CAMKMT: variants seen among roughly 807,000 people sequenced by gnomAD.
The protein encoded by CAMKMT is CaM KMT.
CAMKMT carries 53 observed loss-of-function variants against 48.0 expected under a neutral mutation model. That is an observed-to-expected ratio of 1.10 (90% CI 0.89 to 1.39). The LOEUF (loss-of-function observed/expected upper bound fraction) is 1.39, where lower values mean the gene tolerates loss of function less well. Among genes scored for constraint, CAMKMT ranks in the 40% most tolerant of loss-of-function variants. CAMKMT has a pLI of 0.00. For missense variants in CAMKMT, 428 were observed against 402.7 expected (o/e 1.06, Z -0.54); for synonymous variants, 165 against 152.3 (o/e 1.08, Z -0.61).
intron 3 of CAMKMT, among the ~76,000 whole-genome samples, chr2:44,681,276 C>T (rs1428900678): frequency 1.3e-5 from 2 of 152,170 alleles, no homozygotes; most frequent in Non-Finnish European, 2.9e-5. Flanking sequence ...GTTTGCATAA[C>T]AGTCACCAAT....
chr2:44,690,671 A>T (rs1331787130), intron 3 of CAMKMT, among the ~76,000 whole-genome samples: 1 of 152,194 alleles, frequency 6.6e-6, no homozygotes, highest in Admixed American at 6.5e-5. Context: ...TCAACAAGTG[A>T]TGCTGCCACT....
chr2:44,625,486 T>A (rs903170345), intron 3 of CAMKMT, among the ~76,000 whole-genome samples: 3 of 152,146 alleles, frequency 2.0e-5, no homozygotes, highest in South Asian at 2.1e-4. Context: ...TTATTAATAC[T>A]GTCTTTTTAA....
intron 3 of CAMKMT, among the ~76,000 whole-genome samples, chr2:44,675,799 C>T (rs930272555): frequency 1.3e-5 from 2 of 152,118 alleles, no homozygotes; most frequent in Non-Finnish European, 2.9e-5. Context: ...CAAACTGAAA[C>T]TCTGTCACCA....
intron 3 of CAMKMT, among the ~76,000 whole-genome samples, chr2:44,400,086 A>T (rs1682224072): frequency 6.6e-6 from 1 of 152,210 alleles, no homozygotes; most frequent in East Asian, 1.9e-4. Flanking sequence ...ATTCATTTGA[A>T]TCCCAAGTCA....
intron 3 of CAMKMT, among the ~76,000 whole-genome samples, chr2:44,521,482 T>C (rs978857503): frequency 2.6e-5 from 4 of 152,210 alleles, no homozygotes; most frequent in Admixed American, 1.3e-4. Flanking sequence ...GGTTTCACCA[T>C]GTTGGCCAGG....
chr2:44,710,172 A>C (rs1033202461), intron 6 of CAMKMT, among the ~76,000 whole-genome samples: 10 of 151,274 alleles, frequency 6.6e-5, no homozygotes, highest in African/African-American at 2.4e-4. Flanking sequence ...TTGTTTTAGT[A>C]TGTGAGGCAA....
intron 7 of CAMKMT, among the ~76,000 whole-genome samples, chr2:44,723,495 G>A (rs1292222882): frequency 6.6e-6 from 1 of 151,940 alleles, no homozygotes; most frequent in Non-Finnish European, 1.5e-5. Context: ...GGAGGCTGAG[G>A]CAGGAGAATT....
At chr2:44,768,822 G>A (rs1270189597) in intron 10 of CAMKMT, among the ~76,000 whole-genome samples, 1 of 152,178 alleles carries the variant, frequency 6.6e-6, no homozygotes, top group African/African-American at 2.4e-5. Context: ...TCGTCCCTGG[G>A]ACGCGCTGCT....
chr2:44,672,410 T>C (rs1209339600), intron 3 of CAMKMT, among the ~76,000 whole-genome samples: 1 of 152,130 alleles, frequency 6.6e-6, no homozygotes, highest in African/African-American at 2.4e-5. Flanking sequence ...AATAATTTTG[T>C]GGGTTTTTTT....
chr2:44,747,696 T>C (rs1679978862), intron 8 of CAMKMT, among the ~76,000 whole-genome samples: 1 of 152,244 alleles, frequency 6.6e-6, no homozygotes. Flanking sequence ...CTCCTTGTTC[T>C]CTGCACTAAT....
At chr2:44,704,982 T>C (rs1437588466) in intron 4 of CAMKMT, among the ~76,000 whole-genome samples, 2 of 152,000 alleles carry the variant, frequency 1.3e-5, no homozygotes, top group Non-Finnish European at 2.9e-5. Context: ...AGATGTTTGG[T>C]AGACCCAGAA....
At chr2:44,633,073 G>C (rs1461215249) in intron 3 of CAMKMT, among the ~76,000 whole-genome samples, 1 of 151,960 alleles carries the variant, frequency 6.6e-6, no homozygotes, top group Non-Finnish European at 1.5e-5. Flanking sequence ...AATTTACTTT[G>C]ATTTTTTTCT....
chr2:44,552,517 A>G (rs1429686003), intron 3 of CAMKMT, among the ~76,000 whole-genome samples: 1 of 152,192 alleles, frequency 6.6e-6, no homozygotes, highest in African/African-American at 2.4e-5. Context: ...GAGTCCTTTC[A>G]TACAAAATAC....
At chr2:44,610,112 G>A (rs998510641) in intron 3 of CAMKMT, among the ~76,000 whole-genome samples, 9 of 152,102 alleles carry the variant, frequency 5.9e-5, no homozygotes, top group Non-Finnish European at 1.2e-4. Flanking sequence ...TTAGTGAAGA[G>A]GCTACATTTC....
intron 3 of CAMKMT, among the ~76,000 whole-genome samples, chr2:44,432,245 A>G (rs915055297): frequency 6.6e-6 from 1 of 152,064 alleles, no homozygotes; most frequent in Non-Finnish European, 1.5e-5. Flanking sequence ...AAAACCAGAT[A>G]CTCCTGTACT....
intron 3 of CAMKMT, among the ~76,000 whole-genome samples, chr2:44,474,898 T>G (rs1046958473): frequency 6.6e-6 from 1 of 152,222 alleles, no homozygotes; most frequent in African/African-American, 2.4e-5. Flanking sequence ...CTTTATTCAG[T>G]GCCTGGTATG....
chr2:44,687,583 A>G (rs1337373418), intron 3 of CAMKMT, among the ~76,000 whole-genome samples: 1 of 152,246 alleles, frequency 6.6e-6, no homozygotes, highest in African/African-American at 2.4e-5. Flanking sequence ...ATTCAGCCAC[A>G]TATACTAACC....
chr2:44,412,430 G>A (rs1683271665), intron 3 of CAMKMT, among the ~76,000 whole-genome samples: 1 of 152,116 alleles, frequency 6.6e-6, no homozygotes, highest in Non-Finnish European at 1.5e-5. Flanking sequence ...CTGCCTCCCA[G>A]GTTCAAGCAA....
chr2:44,521,064 C>T (rs957703241), intron 3 of CAMKMT, among the ~76,000 whole-genome samples: 1 of 152,134 alleles, frequency 6.6e-6, no homozygotes, highest in Non-Finnish European at 1.5e-5. Flanking sequence ...AACTTGGTAT[C>T]TTCAGCATGT....
Sources: allele counts gnomAD v4.1 joint callset (sites outside exome capture counted in the v4.1 genomes callset), GRCh38; gene constraint gnomAD v4.1.1; transcripts MANE v1.5; gene names NCBI Gene and HGNC (gene_info 2026-07-23, HGNC 2026-07-21).